The following PCID2 variants were observed in gnomAD, a reference collection of about 807,000 sequenced individuals.
The protein encoded by PCID2 is PCI domain-containing protein 2.
In PCID2, 41 loss-of-function variants were observed where a neutral mutation model predicts 61.3. The ratio of observed to expected loss-of-function variants is 0.67; its 90% CI spans 0.52 to 0.87. The LOEUF (loss-of-function observed/expected upper bound fraction) is 0.87. Among genes scored for constraint, PCID2 ranks in the 40% least tolerant of loss-of-function variants. The probability of loss-of-function intolerance (pLI) is 0.00; values close to 1 mark genes in which losing one functional copy is unlikely to be tolerated. For missense variants in PCID2, 392 were observed against 493.4 expected (o/e 0.79, Z 1.95); for synonymous variants, 187 against 177.8 (o/e 1.05, Z -0.41).
intron 5 of PCID2, 132 bp from the exon 6 acceptor site, chr13:113,195,257 T>C (rs142894069): frequency 4.4e-6 from 3 of 681,686 alleles, no homozygotes; most frequent in South Asian, 1.6e-5. Context: ...ACTCTGACAG[T>C]TGTCTGCTTC....
At chr13:113,193,268 T>A (rs577431896) in intron 6 of PCID2, among the ~76,000 whole-genome samples, 2 of 151,884 alleles carry the variant, frequency 1.3e-5, no homozygotes, top group East Asian at 3.9e-4. Context: ...ACATTGTAAC[T>A]AACCTTTTTA....
the PCID2 span, chr13:113,170,531 G>GT: frequency 8.5e-6 from 13 of 1,521,846 alleles, no homozygotes; most frequent in Admixed American, 3.3e-5. Context: ...GTAAAAACAT[G>GT]TAAGTATTTT....
At chr13:113,167,858 C>G in the PCID2 span, among the ~76,000 whole-genome samples, 1 of 152,070 alleles carries the variant, frequency 6.6e-6, no homozygotes, top group African/African-American at 2.4e-5. Flanking sequence ...GTTCTTTTCC[C>G]CTTTTTCTGC....
intron 6 of PCID2, 122 bp downstream of exon 6, chr13:113,194,949 A>G (rs1290851950): frequency 1.4e-6 from 1 of 735,144 alleles, no homozygotes; most frequent in African/African-American, 1.7e-5. Context: ...TGCTCCCTAT[A>G]CCAGACACAT....
chr13:113,167,568 A>G, the PCID2 span, among the ~76,000 whole-genome samples: 1 of 152,162 alleles, frequency 6.6e-6, no homozygotes, highest in East Asian at 1.9e-4. Context: ...CCTTTGTCTG[A>G]TATTGATATA....
the PCID2 span, chr13:113,171,869 G>A: frequency 6.2e-7 from 1 of 1,613,726 alleles, no homozygotes; most frequent in Non-Finnish European, 8.5e-7. This position sits in a 1 kb window ranked among gnomAD's most constrained non-coding sequence, Gnocchi z 5.1. Flanking sequence ...CACACTTGTG[G>A]AGGGGGAGGA....
In PCID2 at chr13:113,190,975, C is replaced by T; in HGVS notation, c.364G>A (p.Ala122Thr). The T allele has an allele frequency of 6.2e-7, 1 of 1,603,910 alleles. No individual in the cohort carries two copies. The highest frequency in any genetic ancestry group is 8.5e-7 in the Non-Finnish European group (1 of 1,171,386). ...ALDLRVFANNADQQLVKKGKS... is the reference protein window; with the variant it reads ...ALDLRVFANNTDQQLVKKGKS... Reference sequence around the variant, plus strand: ...CCTTTCTTTACCAACTGTTGATCTGCCTAATAAAATATAAGAACTTTTATT... The same window carrying T: ...CCTTTCTTTACCAACTGTTGATCTGTCTAATAAAATATAAGAACTTTTATT... Residue 122 changes from alanine to threonine, a missense_variant and splice_region_variant, in exon 7 of 14, where the codon GCA becomes ACA. This residue lies in a region of PCID2 where 155 missense variants were observed against 164.9 expected (regional missense o/e 0.94). Coordinates refer to ENST00000337344, the MANE Select transcript of PCID2 (RefSeq NM_001127202.4).
chr13:113,184,736 C>A (rs1479065991), intron 8 of PCID2, among the ~76,000 whole-genome samples: 1 of 151,106 alleles, frequency 6.6e-6, no homozygotes, highest in African/African-American at 2.4e-5. Context: ...GGAAGCTGTT[C>A]CAGGGGGCGC....
At chr13:113,203,163 T>A (rs1352645557) in intron 1 of PCID2, among the ~76,000 whole-genome samples, 1 of 152,234 alleles carries the variant, frequency 6.6e-6, no homozygotes, top group African/African-American at 2.4e-5. Flanking sequence ...GAGAGTCCCA[T>A]GGGATTTGGG....
chr13:113,176,538 A>G (rs493171), downstream of PCID2, among the ~76,000 whole-genome samples: 21,828 of 48,736 alleles, frequency 0.45, 6,370 homozygotes, highest in Middle Eastern at 0.57. Flanking sequence ...GAGGTGGGGG[A>G]ATTGCTTTAG....
the PCID2 span, among the ~76,000 whole-genome samples, chr13:113,165,924 T>C: frequency 6.6e-6 from 1 of 152,268 alleles, no homozygotes; most frequent in Non-Finnish European, 1.5e-5. Context: ...CTCCTCAGGC[T>C]AATTCCCAGC....
the PCID2 span, chr13:113,170,439 A>T: frequency 6.2e-7 from 1 of 1,607,144 alleles, no homozygotes; most frequent in East Asian, 2.2e-5. Context: ...CCGAAGGAAA[A>T]GACTTCTGTG....
chr13:113,166,883 GT>G, the PCID2 span, among the ~76,000 whole-genome samples: 3 of 152,116 alleles, frequency 2.0e-5, no homozygotes, highest in Non-Finnish European at 4.4e-5. Context: ...TGCGGTTCTA[GT>G]CTGCAACCGT....
chr13:113,206,005 T>A (rs1215088414), intron 1 of PCID2, among the ~76,000 whole-genome samples: 4 of 152,232 alleles, frequency 2.6e-5, no homozygotes, highest in African/African-American at 9.7e-5. Flanking sequence ...GAAATAAACC[T>A]TCAGACTGGT....
At chr13:113,166,632 C>T in the PCID2 span, among the ~76,000 whole-genome samples, 1 of 152,216 alleles carries the variant, frequency 6.6e-6, no homozygotes, top group African/African-American at 2.4e-5. Flanking sequence ...TGATGGAAGG[C>T]GGGGATGGAA....
chr13:113,181,095 C>A (rs770265337), intron 10 of PCID2, 35 bp downstream of exon 10: 34 of 1,384,670 alleles, frequency 2.5e-5, no homozygotes, highest in Non-Finnish European at 3.1e-5. Flanking sequence ...TGTGAAAGCA[C>A]CAGGATCTAT....
chr13:113,173,782 A>C (rs2138619135), downstream of PCID2, among the ~76,000 whole-genome samples: 1 of 152,340 alleles, frequency 6.6e-6, no homozygotes, highest in East Asian at 1.9e-4. Flanking sequence ...CAATAAGGTA[A>C]GTAAGTCACT....
chr13:113,184,136 T>C (rs2037889089), intron 9 of PCID2: 1 of 515,124 alleles, frequency 1.9e-6, no homozygotes, highest in African/African-American at 2.1e-5. Flanking sequence ...CCTGTGAGAC[T>C]CCAGCATGCA....
chr13:113,185,012 C>T (rs2037981009), intron 8 of PCID2, among the ~76,000 whole-genome samples: 2 of 152,284 alleles, frequency 1.3e-5, no homozygotes, highest in Admixed American at 1.3e-4. Flanking sequence ...GAGTGGAAGG[C>T]ACTGGACAGA....
Sources: gnomAD v4.1 joint callset for allele counts (sites outside exome capture counted in the v4.1 genomes callset) on GRCh38, gnomAD v4.1.1 for gene constraint, gnomAD v4.1.1 regional missense constraint, Gnocchi (gnomAD v3.1) non-coding constraint, MANE v1.5 for transcripts, NCBI Gene and HGNC (gene_info 2026-07-23, HGNC 2026-07-21) for gene names.